CTNND2: variants seen among roughly 807,000 people sequenced by gnomAD.
CTNND2 encodes catenin delta 2, also known as catenin delta-2.
In CTNND2, 22 loss-of-function variants were observed where a neutral mutation model predicts 144.4. The ratio of observed to expected loss-of-function variants is 0.15; its 90% CI spans 0.11 to 0.22. The LOEUF is 0.22. Among genes scored for constraint, CTNND2 ranks in the 10% least tolerant of loss-of-function variants. CTNND2 has a pLI of 1.00. For synonymous variants in CTNND2, 751 were observed against 695.6 expected, an observed-to-expected ratio of 1.08 and a Z score of -1.25; for missense variants, 1,353 against 1,618.8, an observed-to-expected ratio of 0.84 and a Z score of 2.82.
At chr5:10,976,405 T>G (rs1377633097) in intron 21 of CTNND2, among the ~76,000 whole-genome samples, 1 of 152,166 alleles carries the variant, frequency 6.6e-6, no homozygotes, top group East Asian at 1.9e-4. Context: ...TCAGCCAGAT[T>G]TGGATGAGGG....
intron 1 of CTNND2, among the ~76,000 whole-genome samples, chr5:11,901,684 G>A (rs949624811): frequency 1.3e-5 from 2 of 152,078 alleles, no homozygotes; most frequent in Non-Finnish European, 2.9e-5. Context: ...ACAACCTCAC[G>A]TACTTACCAC....
chr5:11,805,378 A>G (rs543809155), intron 1 of CTNND2, among the ~76,000 whole-genome samples: 1 of 152,286 alleles, frequency 6.6e-6, no homozygotes, highest in South Asian at 2.1e-4. Flanking sequence ...AGCAACAAGC[A>G]CATCTACCAC....
At chr5:10,976,957 G>A (rs951882610) in intron 21 of CTNND2, among the ~76,000 whole-genome samples, 3 of 152,238 alleles carry the variant, frequency 2.0e-5, no homozygotes, top group Non-Finnish European at 4.4e-5. Context: ...CTGGGAACTT[G>A]TTAGAAATGC....
At chr5:11,636,357 A>T (rs1781703329) in intron 2 of CTNND2, among the ~76,000 whole-genome samples, 1 of 152,220 alleles carries the variant, frequency 6.6e-6, no homozygotes, top group African/African-American at 2.4e-5. Flanking sequence ...TATCTATTAA[A>T]GTAAGAAGTA....
In CTNND2 at chr5:11,769,690, A is replaced by T. The variant is rs748535726; in HGVS notation, c.38-37418T>A. Among the ~76,000 whole-genome samples the T allele has an allele frequency of 1.3e-5, 2 of 152,208 alleles. 1 individual carries two copies. The highest frequency in any genetic ancestry group is 4.1e-4 in the South Asian group (2 of 4,832). Reference sequence around the variant, plus strand: ...ACCAGAGATACTAAGTGGACAGTACATATATGCAAATTAACACACACATAA... The same window carrying T: ...ACCAGAGATACTAAGTGGACAGTACTTATATGCAAATTAACACACACATAA... On this transcript the variant is annotated intron_variant, in intron 1 of 21. Transcript: ENST00000304623.
intron 2 of CTNND2, among the ~76,000 whole-genome samples, chr5:11,689,923 C>G (rs948087664): frequency 3.9e-5 from 6 of 152,188 alleles, no homozygotes; most frequent in African/African-American, 1.4e-4. Flanking sequence ...GAGTCTAGGA[C>G]AGTAAATGAG....
At chr5:11,818,004 T>TTTTTTTTTTTTTTTTTTTTTATTTC (rs1554126308) in intron 1 of CTNND2, among the ~76,000 whole-genome samples, 1 of 93,256 alleles carries the variant, frequency 1.1e-5, no homozygotes, top group Non-Finnish European at 2.1e-5. Flanking sequence ...TTTTTTTTTT[T>TTTTTTTTTTTTTTTTTTTTTATTTC]CAGTTCTCCT....
intron 9 of CTNND2, among the ~76,000 whole-genome samples, chr5:11,246,744 A>T (rs1426732521): frequency 6.6e-6 from 1 of 151,714 alleles, no homozygotes; most frequent in Non-Finnish European, 1.5e-5. Context: ...GGGGGTGGTT[A>T]TTATAAATAC....
At chr5:11,797,045 G>A (rs1791441992) in intron 1 of CTNND2, among the ~76,000 whole-genome samples, 1 of 152,138 alleles carries the variant, frequency 6.6e-6, no homozygotes, top group African/African-American at 2.4e-5. Flanking sequence ...GCAGTAAAAA[G>A]GCAAGTATCA....
rs745608359 is a variant in CTNND2, at chr5:11,871,264, T to A, written c.37+32553A>T. On this transcript the variant is annotated intron_variant, in intron 1 of 21. Coordinates refer to ENST00000304623, the MANE Select transcript of CTNND2 (RefSeq NM_001332.4). ...AGGCACAAACTGACTTAAGACAGCG[T>A]TCCTCTAAGCCATCTCTCATGTTTA... 2.0e-5 allele frequency among the ~76,000 whole-genome samples: 3 copies of A among 152,196 alleles called. No individual in the cohort carries two copies. In the South Asian group the frequency reaches 6.2e-4, roughly 31 times the overall value.
At chr5:11,674,703 TTTTG>T (rs762197186) in intron 2 of CTNND2, among the ~76,000 whole-genome samples, 4 of 144,884 alleles carry the variant, frequency 2.8e-5, no homozygotes, top group East Asian at 2.0e-4. Context: ...TATGCAGTTT[TTTTG>T]TTTGTTTGTT....
intron 3 of CTNND2, among the ~76,000 whole-genome samples, chr5:11,480,463 G>T (rs1768136531): frequency 6.6e-6 from 1 of 152,086 alleles, no homozygotes; most frequent in African/African-American, 2.4e-5. Flanking sequence ...CCCACATGCT[G>T]CTCCCATGAT....
intron 13 of CTNND2, among the ~76,000 whole-genome samples, chr5:11,114,701 T>C (rs914794222): frequency 1.3e-5 from 2 of 152,128 alleles, no homozygotes; most frequent in East Asian, 1.9e-4. Context: ...CTATATGTTA[T>C]CCAGTCAACA....
At chr5:11,200,257 C>G (rs1186040522) in intron 10 of CTNND2, among the ~76,000 whole-genome samples, 3 of 152,158 alleles carry the variant, frequency 2.0e-5, no homozygotes, top group African/African-American at 7.2e-5. Context: ...GTATTTGATT[C>G]AACAACAACA....
chr5:10,991,282 C>T (rs554001385), intron 19 of CTNND2, among the ~76,000 whole-genome samples: 1 of 152,318 alleles, frequency 6.6e-6, no homozygotes, highest in Admixed American at 6.5e-5. Flanking sequence ...GGTAGGGAGA[C>T]CACTTTGCTG....
chr5:11,431,972 T>G (rs2149875527), intron 3 of CTNND2, among the ~76,000 whole-genome samples: 1 of 152,288 alleles, frequency 6.6e-6, no homozygotes, highest in African/African-American at 2.4e-5. Flanking sequence ...CATTTTATTT[T>G]GAAGAAAAGA....
At position 11,522,668 on chromosome 5, in the gene CTNND2, C is replaced by T. The variant is rs185473610; in HGVS notation, c.287+42276G>A. Among the ~76,000 whole-genome samples the T allele has an allele frequency of 2.4e-3, 370 of 152,262 alleles. 2 individuals are homozygous for T. The highest frequency in any genetic ancestry group is 8.4e-3 in the African/African-American group (348 of 41,544). ...ACATAGAGAACAGAGATATCATAAA[C>T]GAGTATTTCCCATTCATTCTAATCA... On this transcript the variant is annotated intron_variant, in intron 3 of 21. Coordinates refer to ENST00000304623, the MANE Select transcript of CTNND2 (RefSeq NM_001332.4).
Position 11,262,095 on chromosome 5 carries a change from A to T in CTNND2, c.1629-25272T>A, listed in dbSNP as rs941188831. 1.1e-4 allele frequency among the ~76,000 whole-genome samples: 16 copies of T among 152,270 alleles called. 1 individual carries two copies. Among genetic ancestry groups the T allele is most frequent in the Admixed American group, 5.9e-4 (9 of 15,294 alleles). ...GCCCCAGGTGGAGTCACTCATGCTA[A>T]AGTTCCACGTTACCAATCGAGACGT... On this transcript the variant is annotated intron_variant, in intron 9 of 21. Transcript: ENST00000304623.
intron 3 of CTNND2, among the ~76,000 whole-genome samples, chr5:11,547,798 T>C (rs188238786): frequency 1.1e-3 from 170 of 152,320 alleles, no homozygotes; most frequent in African/African-American, 4.0e-3. Flanking sequence ...AGTGGGAAAG[T>C]AACTTTGCAC....
Sources: allele counts gnomAD v4.1 joint callset (sites outside exome capture counted in the v4.1 genomes callset), GRCh38; gene constraint gnomAD v4.1.1; transcripts MANE v1.5; gene names NCBI Gene and HGNC (gene_info 2026-07-23, HGNC 2026-07-21).